The following CROCC variants were observed in gnomAD, a reference collection of about 807,000 sequenced individuals.
CROCC encodes ciliary rootlet coiled-coil, rootletin.
CROCC carries 180 observed loss-of-function variants against 245.2 expected under a neutral mutation model. The observed-to-expected ratio is 0.73, with a 90% CI of 0.65 to 0.83. CROCC has a LOEUF of 0.83. CROCC is among the 40% of genes least tolerant of loss of function. The probability of loss-of-function intolerance (pLI) is 0.00; values close to 1 mark genes in which losing one functional copy is unlikely to be tolerated. For synonymous variants in CROCC, 1,205 were observed against 1,241.6 expected (o/e 0.97, Z 0.62); for missense variants, 2,688 against 2,779.4 (o/e 0.97, Z 0.74).
intron 1 of CROCC, among the ~76,000 whole-genome samples, chr1:16,916,373 G>T (rs1334365137): frequency 6.6e-6 from 1 of 152,264 alleles, no homozygotes. Flanking sequence ...GTGGGTGAGG[G>T]GATGAGCAGG....
At position 16,970,316 on chromosome 1, in the gene CROCC, G is replaced by A. The variant is rs572688461; in HGVS notation, c.5515G>A (p.Glu1839Lys). 1.2e-5 allele frequency: 19 copies of A among 1,585,046 alleles called. No homozygotes were observed. Among genetic ancestry groups the A allele is most frequent in the South Asian group, 6.9e-5 (6 of 87,270 alleles). Residue 1839 changes from glutamate to lysine, a missense_variant, in exon 34 of 37, where the codon GAG (glutamate) becomes AAG (lysine). Glu to Lys is a moderately conservative substitution (Grantham distance 56). Transcript: ENST00000375541. ...ALNTVQKLQD[E>K]RRLLQERLGS... is the part of the protein sequence containing the mutation. ...GAACACCGTCCAGAAGCTGCAAGAC[G>A]AGCGGCGGCTGCTGCAGGAGCGCCT...
chr1:16,947,901 C>T (rs557427886), intron 17 of CROCC, among the ~76,000 whole-genome samples: 21 of 152,320 alleles, frequency 1.4e-4, no homozygotes, highest in South Asian at 2.1e-4. Context: ...TGCAGTGGCA[C>T]GATCTGGGCT....
Position 16,969,255 on chromosome 1 carries a change from G to A in CROCC, c.5216G>A (p.Ser1739Asn), listed in dbSNP as rs745364215. The A allele has an allele frequency of 1.2e-6, 2 of 1,613,364 alleles. No homozygotes were observed. Among genetic ancestry groups the A allele is most frequent in the African/African-American group, 1.3e-5 (1 of 74,938 alleles). ...RGLTEALAQS[S>N]ASLNSTRDKN... ...CTGACAGAGGCCCTGGCCCAGAGCA[G>A]TGCCAGCCTCAACAGCACCCGGGAC... The change falls in exon 32 of 37, where the codon AGT becomes AAT. Residue 1739 changes from serine to asparagine, a missense_variant. Ser to Asn is a conservative substitution (Grantham distance 46). Transcript: ENST00000375541.
Position 16,968,430 on chromosome 1 carries a change from C to A in CROCC, c.5076+12C>A. On this transcript the variant is annotated intron_variant, in intron 31 of 36. Transcript: ENST00000375541. ...CCCTGCAGAGACAGGTGGGCCCCTC[C>A]CCAAATCACAGCCACAGTGTTCACA... The A allele has an allele frequency of 1.4e-6, 2 of 1,467,384 alleles. No individual in the cohort carries two copies. The highest frequency in any genetic ancestry group is 1.4e-5 in the South Asian group (1 of 70,266). The allele number at this position is 1,467,384 out of a possible 1,614,324, so 90.9% of individuals were successfully genotyped here. A position where few individuals can be genotyped will look rare whatever the true frequency, so the allele number is the denominator to read the frequency against.
In CROCC at chr1:16,936,820, C is replaced by A. The variant is rs772548911; in HGVS notation, c.1140C>A (p.Asp380Glu). ...GGGACAAGGTGCTCCGCGAGAAGGA[C>A]CTGGCGCAGCAGCAGATGCAAAGCG... ...QLRDKVLREKDLAQQQMQSDL... is the reference protein window; with the variant it reads ...QLRDKVLREKELAQQQMQSDL... Residue 380 changes from aspartate to glutamate, a missense_variant, in exon 9 of 37, where the codon GAC becomes GAA. Around this residue, in one of 9 missense-constraint regions of CROCC, gnomAD observed 972 missense variants for 895.3 expected, o/e 1.09. Coordinates refer to ENST00000375541, the MANE Select transcript of CROCC (RefSeq NM_014675.5). The A allele has an allele frequency of 1.9e-6, 3 of 1,612,340 alleles. No homozygotes were observed. Among genetic ancestry groups the A allele is most frequent in the African/African-American group, 2.7e-5 (2 of 75,060 alleles).
Position 16,972,429 on chromosome 1 carries a change from G to A in CROCC, c.6037G>A (p.Gly2013Ser), listed in dbSNP as rs137984173. ...RSSAPFSPPS[G>S]PPEK ...CTCAGCACCCTTCTCCCCACCCTCCGGCCCCCCAGAGAAATGAGCTCCTGC... is the reference window on the plus strand; with the variant it reads ...CTCAGCACCCTTCTCCCCACCCTCCAGCCCCCCAGAGAAATGAGCTCCTGC... The change falls in exon 37 of 37, where the codon GGC becomes AGC. Residue 2013 changes from glycine to serine, a missense_variant. Around this residue, in one of 9 missense-constraint regions of CROCC, gnomAD observed 1,218 missense variants for 1,286.3 expected, o/e 0.95. Transcript: ENST00000375541. 5.7e-5 allele frequency: 92 copies of A among 1,612,454 alleles called. No individual in the cohort carries two copies. In the African/African-American group the frequency reaches 9.4e-4, roughly 16 times the overall value.
Position 16,960,790 on chromosome 1 carries a change from A to G in CROCC, c.4065A>G (p.Gln1355=), listed in dbSNP as rs2076317946. Residue 1355 remains glutamine (Q), a synonymous_variant, in exon 27 of 37, where the codon CAA becomes CAG. Transcript: ENST00000375541. ...TAGCCCAGCGGAAGCTGCAGGAACA[A>G]GAAGGCGAGTTCCGGACCCGCGAGC... ...LQVAQRKLQE[Q]EGEFRTRERR... 1 of 1,541,518 alleles carries G rather than the reference A, an allele frequency of 6.5e-7. No homozygotes were observed. Among genetic ancestry groups the G allele is most frequent in the Non-Finnish European group, 8.7e-7 (1 of 1,151,490 alleles).
chr1:16,920,854 C>T (rs1325127079), upstream of CROCC, among the ~76,000 whole-genome samples: 10 of 151,952 alleles, frequency 6.6e-5, no homozygotes, highest in South Asian at 4.2e-4. Flanking sequence ...ATCGATTCTC[C>T]TGCCTCAGCC....
intron 2 of CROCC, among the ~76,000 whole-genome samples, chr1:16,923,158 G>A (rs1570581705): frequency 3.3e-5 from 5 of 152,394 alleles, no homozygotes; most frequent in African/African-American, 9.6e-5. Flanking sequence ...AGGGTTTTGC[G>A]GAAGTCTGAG....
chr1:16,972,628 G>GC lies in CROCC; in HGVS notation c.*183dup. The GC allele has an allele frequency of 1.9e-6, 1 of 532,800 alleles. No homozygotes were observed. Among genetic ancestry groups the GC allele is most frequent in the Non-Finnish European group, 3.3e-6 (1 of 300,416 alleles). 33.0% of individuals were successfully genotyped at this position (532,800 alleles called of 1,614,324 possible). ...GCTCCAGGCCTGGAGAGGCTTCCCA[G>GC]CAACACCTGCAGTCCAGCCCCCCTC... On this transcript the variant is annotated 3_prime_UTR_variant, in exon 37 of 37. Coordinates refer to ENST00000375541, the MANE Select transcript of CROCC (RefSeq NM_014675.5).
chr1:16,939,167 G>A (rs2075862983), intron 12 of CROCC, 25 bp downstream of exon 12: 1 of 1,428,166 alleles, frequency 7.0e-7, no homozygotes, highest in Non-Finnish European at 9.1e-7. Flanking sequence ...GAGCGTTCTG[G>A]GCGCAGCCAG....
At chr1:16,915,003 A>T (rs1484635820) in intron 1 of CROCC, among the ~76,000 whole-genome samples, 1 of 152,244 alleles carries the variant, frequency 6.6e-6, no homozygotes, top group African/African-American at 2.4e-5. Flanking sequence ...AGCGAGGTTC[A>T]GGCAAGACTC....
chr1:16,933,378 A>G (rs2075720947), intron 8 of CROCC, among the ~76,000 whole-genome samples: 1 of 152,196 alleles, frequency 6.6e-6, no homozygotes, highest in Non-Finnish European at 1.5e-5. Context: ...GAGGCCCCAG[A>G]CTCGCCTGAA....
intron 13 of CROCC, among the ~76,000 whole-genome samples, chr1:16,941,684 AT>A (rs1189609821): frequency 6.6e-6 from 1 of 151,936 alleles, no homozygotes; most frequent in Non-Finnish European, 1.5e-5. Flanking sequence ...GCGAGCCGAG[AT>A]GGCGCCACTG....
intron 3 of CROCC, among the ~76,000 whole-genome samples, chr1:16,925,248 G>A (rs1250747026): frequency 2.0e-5 from 3 of 152,274 alleles, no homozygotes; most frequent in East Asian, 1.9e-4. Flanking sequence ...TGGCAATAAC[G>A]TATTAACAGT....
At chr1:16,924,601 T>G in intron 3 of CROCC, 122 bp downstream of exon 3, 1 of 1,336,466 alleles carries the variant, frequency 7.5e-7, no homozygotes, top group South Asian at 1.5e-5. Context: ...GGCCTGGGCT[T>G]GGATTGAGGC....
Position 16,955,548 on chromosome 1 carries a change from C to G in CROCC, c.3702C>G (p.Ile1234Met). The G allele has an allele frequency of 6.5e-7, 1 of 1,529,312 alleles. No homozygotes were observed. The highest frequency in any genetic ancestry group is 1.3e-5 in the South Asian group (1 of 78,728). The allele number at this position is 1,529,312 out of a possible 1,614,324, so 94.7% of individuals were successfully genotyped here. The change falls in exon 24 of 37, where the codon ATC (isoleucine) becomes ATG (methionine). Residue 1234 changes from isoleucine to methionine, a missense_variant and splice_region_variant. Around this residue, in one of 9 missense-constraint regions of CROCC, gnomAD observed 1,218 missense variants for 1,286.3 expected, o/e 0.95. Transcript: ENST00000375541. Reference protein sequence around the residue: ...SAVKKAESERISLKLANEDKE... With the variant: ...SAVKKAESERMSLKLANEDKE... ...TGAAGAAGGCAGAGAGCGAGCGCATCAGGTGGGGTGTCGCAGGAGGACCAG... is the reference window on the plus strand; with the variant it reads ...TGAAGAAGGCAGAGAGCGAGCGCATGAGGTGGGGTGTCGCAGGAGGACCAG...
chr1:16,949,552 C>T (rs927767710), intron 19 of CROCC, among the ~76,000 whole-genome samples: 10 of 152,106 alleles, frequency 6.6e-5, no homozygotes, highest in African/African-American at 9.7e-5. Context: ...TAACGTTTGA[C>T]GGGTATGTTC....
At chr1:16,945,071 A>G (rs1290760683) in intron 14 of CROCC, among the ~76,000 whole-genome samples, 1 of 152,264 alleles carries the variant, frequency 6.6e-6, no homozygotes, top group Non-Finnish European at 1.5e-5. Flanking sequence ...CGTCTCTACT[A>G]AAACTACAAA....
Sources: gnomAD v4.1 joint callset for allele counts (sites outside exome capture counted in the v4.1 genomes callset) on GRCh38, gnomAD v4.1.1 for gene constraint, gnomAD v4.1.1 regional missense constraint, MANE v1.5 for transcripts, NCBI Gene and HGNC (gene_info 2026-07-23, HGNC 2026-07-21) for gene names.